Variants in SNX25 observed in about 807,000 individuals in gnomAD.
SNX25 encodes sorting nexin-25.
Under a neutral mutation model 113.7 loss-of-function variants are expected in SNX25, and 62 were observed. That is an observed-to-expected ratio of 0.55 (90% CI 0.44 to 0.67). The LOEUF (loss-of-function observed/expected upper bound fraction) is 0.67. SNX25 is among the 30% of genes least tolerant of loss of function. The pLI is 0.00. For missense variants in SNX25, 1,014 were observed against 1,161.0 expected, an observed-to-expected ratio of 0.87 and a Z score of 1.84; for synonymous variants, 421 against 436.2, an observed-to-expected ratio of 0.97 and a Z score of 0.43.
intron 4 of SNX25, 28 bp from the exon 5 acceptor site, chr4:185,266,941 C>T (rs1560951074): frequency 3.1e-6 from 5 of 1,595,230 alleles, no homozygotes; most frequent in East Asian, 2.2e-5. Context: ...ATACCTTTCT[C>T]AGTGGCTATT....
At chr4:185,220,488 T>TA (rs549119407) in intron 1 of SNX25, among the ~76,000 whole-genome samples, 17 of 150,274 alleles carry the variant, frequency 1.1e-4, no homozygotes, top group Middle Eastern at 3.2e-3. Context: ...GAGTCCCTTT[T>TA]TTTTTTTTTT....
intron 9 of SNX25, among the ~76,000 whole-genome samples, chr4:185,324,218 G>A (rs1246368441): frequency 6.6e-6 from 1 of 152,038 alleles, no homozygotes; most frequent in African/African-American, 2.4e-5. Context: ...GAGAAGGGAT[G>A]GGGAAAAAAT....
At chr4:185,219,135 T>C (rs1739370963) in intron 1 of SNX25, among the ~76,000 whole-genome samples, 1 of 152,218 alleles carries the variant, frequency 6.6e-6, no homozygotes, top group African/African-American at 2.4e-5. Context: ...TACTCCTGTC[T>C]CAGTCCTCCA....
intron 1 of SNX25, among the ~76,000 whole-genome samples, chr4:185,239,258 G>C (rs1743150614): frequency 1.1e-5 from 1 of 91,336 alleles, no homozygotes. Context: ...AAGGCGGGCA[G>C]ATCACTTGAG....
chr4:185,297,799 G>A (rs1753046519), intron 6 of SNX25, among the ~76,000 whole-genome samples: 1 of 151,890 alleles, frequency 6.6e-6, no homozygotes, highest in African/African-American at 2.4e-5. Flanking sequence ...CCATCATGGG[G>A]CTTCTACCTT....
intron 5 of SNX25, among the ~76,000 whole-genome samples, chr4:185,273,454 A>T (rs189023896): frequency 1.3e-5 from 2 of 152,140 alleles, no homozygotes; most frequent in Non-Finnish European, 2.9e-5. Flanking sequence ...TATTTGATGT[A>T]TGTACACATT....
chr4:185,287,873 C>A, intron 5 of SNX25, 139 bp from the exon 6 acceptor site: 1 of 689,032 alleles, frequency 1.5e-6, no homozygotes, highest in Non-Finnish European at 2.4e-6. Context: ...CGGTCTATGT[C>A]GGATTATTTT....
chr4:185,215,724 T>C (rs530448173), intron 1 of SNX25, among the ~76,000 whole-genome samples: 3 of 152,196 alleles, frequency 2.0e-5, no homozygotes, highest in Non-Finnish European at 4.4e-5. Flanking sequence ...AAAAATACTT[T>C]TGAGGAAGGT....
chr4:185,220,751 A>G (rs894705183), intron 1 of SNX25, among the ~76,000 whole-genome samples: 15 of 152,106 alleles, frequency 9.9e-5, no homozygotes, highest in African/African-American at 3.4e-4. Context: ...AAGTGCTGGG[A>G]TTACAGGCGT....
intron 9 of SNX25, among the ~76,000 whole-genome samples, chr4:185,330,564 C>T (rs768249440): frequency 6.6e-6 from 1 of 152,174 alleles, no homozygotes; most frequent in Non-Finnish European, 1.5e-5. Context: ...CAGTTACCAC[C>T]TCTTATTTAC....
Position 185,363,370 on chromosome 4 carries a change from T to G in SNX25, c.2935-15T>G. ...AAAAACATTTTTCCACTTTTTTCCT[T>G]CTTTGTTGGTTCAGGCGCTGATGGA... On this transcript the variant is annotated splice_polypyrimidine_tract_variant and intron_variant, in intron 18 of 18. Transcript: ENST00000652585. This position sits in a 1 kb window ranked among gnomAD's most constrained non-coding sequence, Gnocchi z 4.2. The G allele has an allele frequency of 1.2e-6, 2 of 1,613,734 alleles. No individual in the cohort carries two copies. Among genetic ancestry groups the G allele is most frequent in the Non-Finnish European group, 1.7e-6 (2 of 1,179,780 alleles).
chr4:185,315,986 T>C (rs1045209081), intron 7 of SNX25, among the ~76,000 whole-genome samples: 2 of 152,188 alleles, frequency 1.3e-5, no homozygotes, highest in Non-Finnish European at 2.9e-5. Flanking sequence ...ATATTTAAAG[T>C]GTACAATATG....
chr4:185,221,953 C>A (rs1309608357), intron 1 of SNX25, among the ~76,000 whole-genome samples: 1 of 151,970 alleles, frequency 6.6e-6, no homozygotes, highest in Non-Finnish European at 1.5e-5. Context: ...GCACCATATA[C>A]CCCTCCTTCA....
downstream of SNX25, chr4:185,372,996 T>C (rs758428351): frequency 5.0e-6 from 8 of 1,614,022 alleles, no homozygotes; most frequent in Non-Finnish European, 6.8e-6. Context: ...GCCGGATGCC[T>C]TGTCCATACA....
Position 185,299,801 on chromosome 4 carries a change from C to T in SNX25, c.1163-10834C>T, listed in dbSNP as rs1753375258. Among the ~76,000 whole-genome samples, 4 of 152,050 alleles carry T rather than the reference C, an allele frequency of 2.6e-5. No homozygotes were observed. In the South Asian group the frequency reaches 8.3e-4, roughly 31 times the overall value. On this transcript the variant is annotated intron_variant, in intron 6 of 18. Coordinates refer to ENST00000652585, the MANE Select transcript of SNX25 (RefSeq NM_001378034.2). ...TCTCCCTTTAAAGCTTTCTTTTTTG[C>T]TGTTCTGAATCCTGACATGTTATCA...
intron 5 of SNX25, among the ~76,000 whole-genome samples, chr4:185,281,797 C>T (rs917331611): frequency 6.6e-5 from 10 of 152,148 alleles, no homozygotes; most frequent in Non-Finnish European, 4.4e-5. Context: ...GGGCAGATCA[C>T]TTGAGGTCAG....
intron 6 of SNX25, among the ~76,000 whole-genome samples, chr4:185,299,515 G>A (rs1057025082): frequency 2.0e-5 from 3 of 152,058 alleles, no homozygotes; most frequent in South Asian, 2.1e-4. Context: ...TTGCATTACC[G>A]ACTGGTTCCC....
At chr4:185,376,856 G>C in the SNX25 span, 2 of 1,308,896 alleles carry the variant, frequency 1.5e-6, no homozygotes, top group Non-Finnish European at 2.2e-6. Flanking sequence ...TTTTGTCTGA[G>C]GATCTAACAA....
At chr4:185,292,966 A>T (rs1049841854) in intron 6 of SNX25, among the ~76,000 whole-genome samples, 1 of 152,222 alleles carries the variant, frequency 6.6e-6, no homozygotes, top group Non-Finnish European at 1.5e-5. Flanking sequence ...TTATCAAGAA[A>T]ATGAAAAGAC....
Sources: allele counts gnomAD v4.1 joint callset (sites outside exome capture counted in the v4.1 genomes callset), GRCh38; gene constraint gnomAD v4.1.1; non-coding constraint Gnocchi (gnomAD v3.1); transcripts MANE v1.5; gene names NCBI Gene and HGNC (gene_info 2026-07-23, HGNC 2026-07-21).